SPHKAP: variants seen among roughly 807,000 people sequenced by gnomAD.
SPHKAP encodes the protein A-kinase anchor protein SPHKAP.
In SPHKAP, 67 loss-of-function variants were observed where a neutral mutation model predicts 137.5. That is an observed-to-expected ratio of 0.49 (90% CI 0.40 to 0.60). SPHKAP has a LOEUF of 0.60. Ranked by LOEUF, SPHKAP falls within the 20% of genes least tolerant of loss-of-function variation. The probability of loss-of-function intolerance (pLI) is 0.00; values close to 1 mark genes in which losing one functional copy is unlikely to be tolerated. For missense variants in SPHKAP, 2,097 were observed against 2,069.3 expected, an observed-to-expected ratio of 1.01 and a Z score of -0.26; for synonymous variants, 813 against 785.3, an observed-to-expected ratio of 1.04 and a Z score of -0.59.
chr2:228,044,395 C>T (rs892382067), intron 3 of SPHKAP, among the ~76,000 whole-genome samples: 1 of 152,116 alleles, frequency 6.6e-6, no homozygotes. Context: ...TAATAAAAGA[C>T]ATCAAGTGGT....
In SPHKAP at chr2:228,027,366, C is replaced by T. The variant is rs527726825; in HGVS notation, c.306+118G>A. 95 of 1,047,388 alleles carry T rather than the reference C, an allele frequency of 9.1e-5. No individual in the cohort carries two copies. The South Asian group carries it at 1.3e-3, about 14-fold the overall frequency. 64.9% of individuals were successfully genotyped at this position (1,047,388 alleles called of 1,614,324 possible). ...GCTAGGGAAAGGGTCGGGGAAATGG[C>T]CTGTAATGAAACTATCTAACTAAAG... On this transcript the variant is annotated intron_variant, in intron 4 of 11. Coordinates refer to ENST00000392056, the MANE Select transcript of SPHKAP (RefSeq NM_001142644.2).
intron 2 of SPHKAP, among the ~76,000 whole-genome samples, chr2:228,124,937 T>C (rs2106367281): frequency 6.6e-6 from 1 of 152,312 alleles, no homozygotes; most frequent in Non-Finnish European, 1.5e-5. Context: ...TCTTTGCCAC[T>C]GTTTACAGCA....
chr2:228,128,321 C>A (rs1452456813), intron 2 of SPHKAP, among the ~76,000 whole-genome samples: 1 of 152,196 alleles, frequency 6.6e-6, no homozygotes, highest in African/African-American at 2.4e-5. Context: ...GAGTCCATCT[C>A]AAGAAACCAC....
intron 7 of SPHKAP, among the ~76,000 whole-genome samples, chr2:228,010,943 G>T (rs1039726065): frequency 6.6e-6 from 1 of 152,086 alleles, no homozygotes; most frequent in Non-Finnish European, 1.5e-5. Context: ...GATTCCTTGT[G>T]TGTCTTTCAG....
chr2:228,138,234 C>T (rs1404955174), intron 1 of SPHKAP, among the ~76,000 whole-genome samples: 15 of 152,158 alleles, frequency 9.9e-5, no homozygotes, highest in Non-Finnish European at 7.3e-5. Flanking sequence ...GTTGACATCC[C>T]CTCTTAGTAA....
At chr2:228,137,506 G>C (rs1699471991) in intron 1 of SPHKAP, among the ~76,000 whole-genome samples, 1 of 152,180 alleles carries the variant, frequency 6.6e-6, no homozygotes. Context: ...AGTAAACACA[G>C]TGTAAAGTTA....
At chr2:228,082,612 T>C (rs942549109) in intron 3 of SPHKAP, among the ~76,000 whole-genome samples, 1 of 152,178 alleles carries the variant, frequency 6.6e-6, no homozygotes, top group Non-Finnish European at 1.5e-5. Flanking sequence ...AAGGATATTG[T>C]TCAGTCACCA....
intron 3 of SPHKAP, chr2:228,028,062 A>G (rs1303216768): frequency 1.0e-6 from 1 of 985,262 alleles, no homozygotes; most frequent in East Asian, 1.1e-4. Flanking sequence ...ACTGGTCACA[A>G]CAAATGCCCG....
intron 11 of SPHKAP, among the ~76,000 whole-genome samples, chr2:227,988,249 CAGAG>C (rs1220538181): frequency 6.6e-6 from 1 of 152,076 alleles, no homozygotes; most frequent in African/African-American, 2.4e-5. Flanking sequence ...CCACTATGTG[CAGAG>C]AGTCTTAGAT....
At chr2:228,119,106 C>G (rs940107331) in intron 2 of SPHKAP, among the ~76,000 whole-genome samples, 1 of 152,078 alleles carries the variant, frequency 6.6e-6, no homozygotes, top group Non-Finnish European at 1.5e-5. Context: ...GAGAAGCCAG[C>G]CACACTCCCA....
chr2:228,114,939 A>C (rs2106355739), intron 2 of SPHKAP, among the ~76,000 whole-genome samples: 1 of 152,174 alleles, frequency 6.6e-6, no homozygotes, highest in Middle Eastern at 3.4e-3. Flanking sequence ...ATCCAAGACA[A>C]TCCAGGTCAG....
intron 2 of SPHKAP, among the ~76,000 whole-genome samples, chr2:228,115,636 T>C (rs184330592): frequency 6.6e-6 from 1 of 152,300 alleles, no homozygotes; most frequent in African/African-American, 2.4e-5. Flanking sequence ...GTGAGTAATA[T>C]GTAACCAGTC....
chr2:228,146,047 T>G (rs940399532), intron 1 of SPHKAP, among the ~76,000 whole-genome samples: 7 of 152,176 alleles, frequency 4.6e-5, no homozygotes, highest in Admixed American at 4.6e-4. Context: ...TTTTTTTGCT[T>G]TTGTTTTTGC....
chr2:228,006,729 C>A (rs1017355477), intron 7 of SPHKAP, among the ~76,000 whole-genome samples: 15 of 152,138 alleles, frequency 9.9e-5, no homozygotes, highest in African/African-American at 3.4e-4. Flanking sequence ...GTGTGGATGT[C>A]TTTTCTGTTT....
intron 1 of SPHKAP, among the ~76,000 whole-genome samples, chr2:228,135,199 A>G (rs899639947): frequency 1.3e-5 from 2 of 148,186 alleles, no homozygotes; most frequent in Non-Finnish European, 3.0e-5. Flanking sequence ...GCTTCAACCC[A>G]GGAGGCAGAG....
chr2:228,070,935 A>C (rs909915960), intron 3 of SPHKAP, among the ~76,000 whole-genome samples: 3 of 152,064 alleles, frequency 2.0e-5, no homozygotes, highest in African/African-American at 7.2e-5. Context: ...TGTTGAACTC[A>C]TGGGGTTCTG....
chr2:228,171,092 T>C (rs1047223443), intron 1 of SPHKAP, among the ~76,000 whole-genome samples: 1 of 152,112 alleles, frequency 6.6e-6, no homozygotes, highest in African/African-American at 2.4e-5. Context: ...TTATTTTTTC[T>C]TATGGAAAAG....
intron 3 of SPHKAP, chr2:228,027,970 A>G (rs1191045101): frequency 2.1e-6 from 2 of 973,304 alleles, no homozygotes; most frequent in Non-Finnish European, 1.2e-6. Context: ...GAAAAAAAAA[A>G]AAAAAAGAAA....
chr2:228,107,369 T>A (rs905871643), intron 3 of SPHKAP, among the ~76,000 whole-genome samples: 2 of 152,178 alleles, frequency 1.3e-5, no homozygotes, highest in Non-Finnish European at 2.9e-5. Context: ...AGCAAATGAA[T>A]CTTCCAATAT....
Sources: gnomAD v4.1 joint callset for allele counts (sites outside exome capture counted in the v4.1 genomes callset) on GRCh38, gnomAD v4.1.1 for gene constraint, MANE v1.5 for transcripts, NCBI Gene and HGNC (gene_info 2026-07-23, HGNC 2026-07-21) for gene names.